The following GNE variants were observed in gnomAD, a reference collection of about 807,000 sequenced individuals.
GNE encodes the protein glucosamine (UDP-N-acetyl)-2-epimerase/N-acetylmannosamine kinase.
A neutral mutation model predicts 61.8 loss-of-function variants in GNE; 41 were observed. The observed-to-expected ratio is 0.66, with a 90% CI of 0.52 to 0.86. The LOEUF (loss-of-function observed/expected upper bound fraction) is 0.86. Among genes scored for constraint, GNE ranks in the 40% least tolerant of loss-of-function variants. The probability of loss-of-function intolerance (pLI) is 0.00; values close to 1 mark genes in which losing one functional copy is unlikely to be tolerated. For synonymous variants in GNE, 264 were observed against 326.4 expected, an observed-to-expected ratio of 0.81 and a Z score of 2.06; for missense variants, 608 against 909.1, an observed-to-expected ratio of 0.67 and a Z score of 4.26.
chr9:36,216,229 TAAA>T lies in GNE; in HGVS notation c.*1133_*1135del, dbSNP rs762003038. 3 of 452,578 alleles carry T rather than the reference TAAA, an allele frequency of 6.6e-6. No individual in the cohort carries two copies. In the Admixed American group the frequency reaches 7.1e-5, roughly 11 times the overall value. 28.0% of individuals were successfully genotyped at this position (452,578 alleles called of 1,614,324 possible). ...GGCTTTAAAAACAATAAAGCTGTTT[TAAA>T]AAAAAGTGTACTTAAGCCCTTCCTG... On this transcript the variant is annotated 3_prime_UTR_variant, in exon 12 of 12. Transcript: ENST00000642385.
chr9:36,272,349 T>C (rs1831058247), intron 1 of GNE, among the ~76,000 whole-genome samples: 1 of 151,984 alleles, frequency 6.6e-6, no homozygotes, highest in East Asian at 1.9e-4. Flanking sequence ...TGGCTGGGTG[T>C]GGTGGCTCAA....
chr9:36,217,350 T>G lies in GNE; in HGVS notation c.*15A>C. 1 of 1,543,894 alleles carries G rather than the reference T, an allele frequency of 6.5e-7. No homozygotes were observed. The highest frequency in any genetic ancestry group is 9.0e-7 in the Non-Finnish European group (1 of 1,116,904). On this transcript the variant is annotated 3_prime_UTR_variant, in exon 12 of 12. Coordinates refer to ENST00000642385, the MANE Select transcript of GNE (RefSeq NM_005476.7). ...AGGAGCTCTGGAGAGAAGGTCCATG[T>G]CTGTTCCTGGAGGTCTAGTAGATCC...
chr9:36,224,392 C>T (rs1485848879), intron 7 of GNE, among the ~76,000 whole-genome samples: 1 of 152,040 alleles, frequency 6.6e-6, no homozygotes, highest in Non-Finnish European at 1.5e-5. Flanking sequence ...TGAGATCACG[C>T]CACTGCACTC....
chr9:36,233,796 G>T, intron 5 of GNE, 124 bp downstream of exon 5: 1 of 808,960 alleles, frequency 1.2e-6, no homozygotes, highest in Non-Finnish European at 2.2e-6. Context: ...GGCTTCAACT[G>T]GTTATTAACC....
intron 3 of GNE, among the ~76,000 whole-genome samples, chr9:36,244,232 T>G (rs1160412357): frequency 6.6e-6 from 1 of 152,160 alleles, no homozygotes; most frequent in East Asian, 1.9e-4. Context: ...CCCAAAGTGC[T>G]GGGATTACAG....
At chr9:36,238,373 A>G (rs1829494980) in intron 3 of GNE, among the ~76,000 whole-genome samples, 1 of 152,226 alleles carries the variant, frequency 6.6e-6, no homozygotes, top group Non-Finnish European at 1.5e-5. Context: ...CCAGCAGTGT[A>G]GAAGTGTTCC....
chr9:36,257,956 G>C (rs1830454969), intron 1 of GNE, among the ~76,000 whole-genome samples: 1 of 151,674 alleles, frequency 6.6e-6, no homozygotes, highest in South Asian at 2.1e-4. Context: ...AGGACAGCTC[G>C]CCTGCCAGGC....
At chr9:36,237,064 C>A in intron 3 of GNE, 80 bp from the exon 4 acceptor site, 2 of 1,139,132 alleles carry the variant, frequency 1.8e-6, no homozygotes, top group Non-Finnish European at 2.6e-6. Flanking sequence ...GAAAGCAAGA[C>A]TCTAAGTCTG....
chr9:36,238,333 CCA>C (rs1829490104), intron 3 of GNE, among the ~76,000 whole-genome samples: 3 of 151,160 alleles, frequency 2.0e-5, no homozygotes, highest in African/African-American at 7.4e-5. Context: ...TGGTAGTTTT[CCA>C]TAGCGGCTGT....
Position 36,246,489 on chromosome 9 carries a change from C to G in GNE, c.165-7G>C, listed in dbSNP as rs775448807. On this transcript the variant is annotated splice_region_variant and splice_polypyrimidine_tract_variant and intron_variant, in intron 2 of 11. Transcript: ENST00000642385. ...AATCATTCGATATGTATTTCTAAAGCCGGGGAGAAATAAAGATATAAGAAC... is the reference window on the plus strand; with the variant it reads ...AATCATTCGATATGTATTTCTAAAGGCGGGGAGAAATAAAGATATAAGAAC... 1.2e-6 allele frequency: 2 copies of G among 1,601,364 alleles called. No individual in the cohort carries two copies. Among genetic ancestry groups the G allele is most frequent in the Non-Finnish European group, 1.7e-6 (2 of 1,170,050 alleles).
At chr9:36,234,822 C>A (rs941270149) in intron 4 of GNE, among the ~76,000 whole-genome samples, 2 of 152,142 alleles carry the variant, frequency 1.3e-5, no homozygotes, top group African/African-American at 4.8e-5. Context: ...GCAGGTGCCA[C>A]TCATTTAACC....
Position 36,214,666 on chromosome 9 carries a change from C to T in GNE, c.*2699G>A, listed in dbSNP as rs1828188478. 1 of 152,170 alleles carries T rather than the reference C, an allele frequency of 6.6e-6. No individual in the cohort carries two copies. The highest frequency in any genetic ancestry group is 2.1e-4 in the South Asian group (1 of 4,830). 9.4% of individuals were successfully genotyped at this position (152,170 alleles called of 1,614,324 possible). A position where few individuals can be genotyped will look rare whatever the true frequency, so the allele number is the denominator to read the frequency against. On this transcript the variant is annotated 3_prime_UTR_variant, in exon 12 of 12. Transcript: ENST00000642385. ...TGAAACTTGGTAGCAATGCAATTGT[C>T]TGATGTACAGAGCAGATTTCACCAT...
intron 5 of GNE, among the ~76,000 whole-genome samples, chr9:36,230,285 C>G (rs1587303317): frequency 6.6e-6 from 1 of 152,098 alleles, no homozygotes; most frequent in South Asian, 2.1e-4. Flanking sequence ...TCCACCACCC[C>G]ATCCTTAAAA....
At chr9:36,253,906 C>T (rs1587356728) in intron 1 of GNE, among the ~76,000 whole-genome samples, 1 of 151,846 alleles carries the variant, frequency 6.6e-6, no homozygotes, top group Admixed American at 6.6e-5. Context: ...GGTGTGGTGG[C>T]GTGCACCTGC....
Position 36,246,473 on chromosome 9 carries a change from A to G in GNE, c.174T>C (p.Tyr58=). The change falls in exon 3 of 12, where the codon TAT becomes TAC. Residue 58 remains tyrosine (Y), a synonymous_variant. Transcript: ENST00000642385. ...SHLIDDYGNT[Y]RMIEQDDFDI... ...CAAAGTCATCTTGTTCAATCATTCG[A>G]TATGTATTTCTAAAGCCGGGGAGAA... 6.2e-7 allele frequency: 1 copy of G among 1,611,250 alleles called. No individual in the cohort carries two copies. Among genetic ancestry groups the G allele is most frequent in the Non-Finnish European group, 8.5e-7 (1 of 1,177,976 alleles).
At position 36,217,204 on chromosome 9, in the gene GNE, G is replaced by C. The variant is rs1828354408; in HGVS notation, c.*161C>G. 1.5e-6 allele frequency: 1 copy of C among 670,152 alleles called. No homozygotes were observed. The highest frequency in any genetic ancestry group is 2.7e-6 in the Non-Finnish European group (1 of 369,726). The allele number at this position is 670,152 out of a possible 1,614,324, so 41.5% of individuals were successfully genotyped here. ...ATCTACAAAAATAGGAGTGGGGAAA[G>C]GTGACTCTGGAAGAGGAGACCAAAA... On this transcript the variant is annotated 3_prime_UTR_variant, in exon 12 of 12. Coordinates refer to ENST00000642385, the MANE Select transcript of GNE (RefSeq NM_005476.7).
chr9:36,225,831 A>G (rs557930527), intron 7 of GNE, among the ~76,000 whole-genome samples: 33 of 152,194 alleles, frequency 2.2e-4, no homozygotes, highest in Non-Finnish European at 4.3e-4. Context: ...GTGCTTCTCA[A>G]TCTTCGCTGT....
intron 1 of GNE, chr9:36,276,836 C>T: frequency 1.5e-6 from 2 of 1,298,454 alleles, no homozygotes. Flanking sequence ...CTTTTTCCCC[C>T]CTTTTTTTCT....
chr9:36,260,881 A>C (rs925529832), upstream of GNE, among the ~76,000 whole-genome samples: 6 of 150,568 alleles, frequency 4.0e-5, no homozygotes, highest in African/African-American at 1.5e-4. Flanking sequence ...AAAAAAAAAA[A>C]AAAAAAAAAA....
Sources: allele counts gnomAD v4.1 joint callset (sites outside exome capture counted in the v4.1 genomes callset), GRCh38; gene constraint gnomAD v4.1.1; transcripts MANE v1.5; gene names NCBI Gene and HGNC (gene_info 2026-07-23, HGNC 2026-07-21).